Variants in PLA2G2F observed in about 807,000 individuals in gnomAD.
PLA2G2F encodes the protein group IIF secretory phospholipase A2.
PLA2G2F carries 17 observed loss-of-function variants against 15.9 expected under a neutral mutation model. The observed-to-expected ratio is 1.07, with a 90% confidence interval of 0.73 to 1.60. The LOEUF is 1.60. Ranked by LOEUF, PLA2G2F falls within the 40% of genes most tolerant of loss-of-function variation. PLA2G2F has a pLI of 0.00. For synonymous variants in PLA2G2F, 119 were observed against 106.5 expected, an observed-to-expected ratio of 1.12 and a Z score of -0.72; for missense variants, 299 against 278.2, an observed-to-expected ratio of 1.07 and a Z score of -0.53.
chr1:20,142,079 T>A (rs2017485223), intron 2 of PLA2G2F: 1 of 152,258 alleles, frequency 6.6e-6, no homozygotes, highest in African/African-American at 2.4e-5. Flanking sequence ...GGGATTCCCC[T>A]GAGCCACCAG....
chr1:20,139,450 A>G lies in PLA2G2F; in HGVS notation c.23A>G (p.Asn8Ser). Residue 8 changes from asparagine (N) to serine (S), a missense_variant, in exon 1 of 5, where the codon AAC becomes AGC. Coordinates refer to ENST00000375102, the MANE Select transcript of PLA2G2F (RefSeq NM_022819.4). MADGAKA[N>S]PKGFKKKVLD... is the part of the protein sequence containing the mutation. The stretch of plus-strand genomic sequence containing the variant: ...AACATGGCAGATGGGGCAAAGGCCA[A>G]CCCCAAAGGGTTCAAAAAGAAGGTG... The G allele has an allele frequency of 6.4e-7, 1 of 1,569,154 alleles. No individual in the cohort carries two copies. Among genetic ancestry groups the G allele is most frequent in the South Asian group, 1.2e-5 (1 of 85,268 alleles).
chr1:20,144,601 C>T lies in PLA2G2F; in HGVS notation c.336C>T (p.Cys112=). 1 of 1,611,694 alleles carries T rather than the reference C, an allele frequency of 6.2e-7. No individual in the cohort carries two copies. The highest frequency in any genetic ancestry group is 8.5e-7 in the Non-Finnish European group (1 of 1,178,992). ...EVDWCCHAHD[C]CYQELFDQGC... ...CTAGGTGCTGCCACGCCCACGACTG[C>T]TGCTACCAGGAACTCTTTGACCAAG... The change falls in exon 4 of 5, where the codon TGC becomes TGT. Residue 112 remains cysteine (C), a synonymous_variant. Coordinates refer to ENST00000375102, the MANE Select transcript of PLA2G2F (RefSeq NM_022819.4).
At chr1:20,145,637 G>A (rs1002528312) in intron 4 of PLA2G2F, among the ~76,000 whole-genome samples, 10 of 151,154 alleles carry the variant, frequency 6.6e-5, no homozygotes, top group Non-Finnish European at 1.5e-4. Flanking sequence ...AATTAAGACA[G>A]GGCCTTGCTC....
rs2017405860 is a variant in PLA2G2F, at chr1:20,139,409, G to C, written c.-19G>C. 6.5e-7 allele frequency: 1 copy of C among 1,538,672 alleles called. No individual in the cohort carries two copies. Among genetic ancestry groups the C allele is most frequent in the Non-Finnish European group, 8.8e-7 (1 of 1,134,958 alleles). On this transcript the variant is annotated 5_prime_UTR_variant, in exon 1 of 5. Transcript: ENST00000375102. ...AGACCTTCTGAGACCTATGTTGCTG[G>C]CCCCCCAGAACCCGCAACATGGCAG...
In PLA2G2F at chr1:20,140,553, A is replaced by G. The variant is rs2017437007; in HGVS notation, c.169+335A>G. 1.3e-5 allele frequency: 4 copies of G among 297,270 alleles called. No individual in the cohort carries two copies. In the South Asian group the frequency reaches 2.1e-4, roughly 16 times the overall value. 18.4% of individuals were successfully genotyped at this position (297,270 alleles called of 1,614,324 possible). On this transcript the variant is annotated intron_variant, in intron 2 of 4. Transcript: ENST00000375102. ...TTAATGATTTTGTGTGCAGACAGGC[A>G]CAGGCATCTATGTGTGTGTAGGTGT...
chr1:20,145,979 C>A (rs965257874), intron 4 of PLA2G2F, among the ~76,000 whole-genome samples: 2 of 152,204 alleles, frequency 1.3e-5, no homozygotes, highest in African/African-American at 4.8e-5. Flanking sequence ...TGAATCTGAC[C>A]AGCCTAGCTG....
chr1:20,146,611 C>G (rs2100696410), intron 4 of PLA2G2F, among the ~76,000 whole-genome samples: 1 of 152,374 alleles, frequency 6.6e-6, no homozygotes. Flanking sequence ...GCCCCCATGT[C>G]TTCACCTGGT....
intron 2 of PLA2G2F, chr1:20,142,243 G>A (rs1392105734): frequency 6.6e-6 from 1 of 152,640 alleles, no homozygotes; most frequent in African/African-American, 2.4e-5. Context: ...AGCAGGCGGA[G>A]CTGCACTGCC....
Position 20,140,159 on chromosome 1 carries a change from C to A in PLA2G2F, c.117-7C>A, listed in dbSNP as rs1472733091. 5 of 1,613,692 alleles carry A rather than the reference C, an allele frequency of 3.1e-6. No homozygotes were observed. Among genetic ancestry groups the A allele is most frequent in the Non-Finnish European group, 4.2e-6 (5 of 1,179,698 alleles). On this transcript the variant is annotated splice_region_variant and splice_polypyrimidine_tract_variant and intron_variant, in intron 1 of 4. Transcript: ENST00000375102. ...GGACTCAAGCTCCGGGTTTCGTCCT[C>A]CCTCAGGTCTAGCCTGGGTATGAAG... is the stretch of plus-strand genomic sequence containing the variant.
At chr1:20,140,285 C>T (rs1292980273) in intron 2 of PLA2G2F, 67 bp downstream of exon 2, 19 of 1,558,212 alleles carry the variant, frequency 1.2e-5, no homozygotes, top group African/African-American at 1.4e-5. Flanking sequence ...TGACCTTGGG[C>T]GCCTGAGTTA....
chr1:20,148,683 G>A lies in PLA2G2F; in HGVS notation c.*282G>A. On this transcript the variant is annotated 3_prime_UTR_variant, in exon 5 of 5. Coordinates refer to ENST00000375102, the MANE Select transcript of PLA2G2F (RefSeq NM_022819.4). ...CCTGAGGGTGGCCGGGGAGACCTGA[G>A]AGAGAGGAGGAGGGGCCTCTGAGTG... 2.2e-6 allele frequency: 1 copy of A among 464,474 alleles called. No individual in the cohort carries two copies. The highest frequency in any genetic ancestry group is 3.9e-6 in the Non-Finnish European group (1 of 257,984). The allele number at this position is 464,474 out of a possible 1,614,324, so 28.8% of individuals were successfully genotyped here.
At position 20,139,509 on chromosome 1, in the gene PLA2G2F, C is replaced by G. The variant is rs202089729; in HGVS notation, c.82C>G (p.Arg28Gly). The change falls in exon 1 of 5, where the codon CGC becomes GGC. Residue 28 changes from arginine (R) to glycine (G), a missense_variant. By Grantham distance (125) the Arg-to-Gly change is moderately radical. Transcript: ENST00000375102. ...DRCFSGWRGPRFGASCPSRTS... is the reference protein window; with the variant it reads ...DRCFSGWRGPGFGASCPSRTS... ...ATGCTTCTCTGGGTGGAGGGGCCCA[C>G]GCTTCGGGGCCTCCTGTCCTTCAAG... The G allele has an allele frequency of 6.4e-7, 1 of 1,570,948 alleles. No homozygotes were observed. Among genetic ancestry groups the G allele is most frequent in the African/African-American group, 1.4e-5 (1 of 73,680 alleles).
Position 20,144,607 on chromosome 1 carries a change from C to T in PLA2G2F, c.342C>T (p.Tyr114=). The T allele has an allele frequency of 2.5e-6, 4 of 1,612,130 alleles. No individual in the cohort carries two copies. Among genetic ancestry groups the T allele is most frequent in the Non-Finnish European group, 3.4e-6 (4 of 1,179,196 alleles). The change falls in exon 4 of 5, where the codon TAC becomes TAT. Residue 114 remains tyrosine, a synonymous_variant. Transcript: ENST00000375102. ...GCTGCCACGCCCACGACTGCTGCTA[C>T]CAGGAACTCTTTGACCAAGGCTGTC... ...DWCCHAHDCC[Y]QELFDQGCHP... is the part of the protein sequence containing the mutation.
rs778009818 is a variant in PLA2G2F at position 20,144,662 on chromosome 1, A to G, written c.397A>G (p.Ile133Val). The change falls in exon 4 of 5, where the codon ATC becomes GTC. Residue 133 changes from isoleucine to valine, a missense_variant. By Grantham distance (29) the Ile-to-Val change is conservative. Transcript: ENST00000375102. ...CTATGTGGACCACTATGATCACACCATCGAGAACAACACTGAGATAGTCTG... is the reference window on the plus strand; with the variant it reads ...CTATGTGGACCACTATGATCACACCGTCGAGAACAACACTGAGATAGTCTG... The part of the protein sequence containing the change: ...HPYVDHYDHT[I>V]ENNTEIVCSD... 1.9e-6 allele frequency: 3 copies of G among 1,609,966 alleles called. No individual in the cohort carries two copies. The highest frequency in any genetic ancestry group is 2.2e-5 in the South Asian group (2 of 90,096).
At chr1:20,141,974 A>G (rs932610420) in intron 2 of PLA2G2F, 13 of 152,166 alleles carry the variant, frequency 8.5e-5, no homozygotes, top group African/African-American at 2.7e-4. Context: ...CTCCAGATTC[A>G]ATGCTCTTCC....
At chr1:20,147,378 G>A (rs921744540) in intron 4 of PLA2G2F, among the ~76,000 whole-genome samples, 4 of 152,086 alleles carry the variant, frequency 2.6e-5, no homozygotes, top group Non-Finnish European at 5.9e-5. Flanking sequence ...GATTAGGCAT[G>A]TGAGAGGCTC....
At chr1:20,147,913 A>C (rs1167036784) in intron 4 of PLA2G2F, among the ~76,000 whole-genome samples, 1 of 152,124 alleles carries the variant, frequency 6.6e-6, no homozygotes, top group Non-Finnish European at 1.5e-5. Flanking sequence ...CCAGCTATGC[A>C]ATAACTGTGT....
In PLA2G2F at chr1:20,149,507, G is replaced by A. The variant is rs115227696; in HGVS notation, c.*1106G>A. On this transcript the variant is annotated 3_prime_UTR_variant, in exon 5 of 5. Coordinates refer to ENST00000375102, the MANE Select transcript of PLA2G2F (RefSeq NM_022819.4). ...GAAGAGGGAAACGTAAGCAGGGAGA[G>A]CATCAAGGCGGGAGGCAGCCTGGAA... 2.2e-3 allele frequency: 342 copies of A among 152,778 alleles called. No homozygotes were observed. Among genetic ancestry groups the A allele is most frequent in the Non-Finnish European group, 3.5e-3 (241 of 68,362 alleles). The allele number at this position is 152,778 out of a possible 1,614,324, so 9.5% of individuals were successfully genotyped here.
At chr1:20,140,988 A>G (rs2017455135) in intron 2 of PLA2G2F, 1 of 152,194 alleles carries the variant, frequency 6.6e-6, no homozygotes. Flanking sequence ...AGCCTGTTAA[A>G]CCTCGCCAGA....
Sources: allele counts gnomAD v4.1 joint callset (sites outside exome capture counted in the v4.1 genomes callset), GRCh38; gene constraint gnomAD v4.1.1; transcripts MANE v1.5; gene names NCBI Gene and HGNC (gene_info 2026-07-23, HGNC 2026-07-21).